ATP8A1: variants seen among roughly 807,000 people sequenced by gnomAD.
ATP8A1 encodes ATPase phospholipid transporting 8A1, also known as phospholipid-transporting ATPase IA.
Under a neutral mutation model 177.7 loss-of-function variants are expected in ATP8A1, and 90 were observed. The ratio of observed to expected loss-of-function variants is 0.51; its 90% CI spans 0.43 to 0.60. The LOEUF is 0.60. Ranked by LOEUF, ATP8A1 falls within the 20% of genes least tolerant of loss-of-function variation. The pLI is 0.00. For missense variants in ATP8A1, 1,072 were observed against 1,392.8 expected, an observed-to-expected ratio of 0.77 and a Z score of 3.67; for synonymous variants, 493 against 485.9, an observed-to-expected ratio of 1.01 and a Z score of -0.19.
At chr4:42,506,686 A>C (rs1724397912) in intron 23 of ATP8A1, among the ~76,000 whole-genome samples, 1 of 148,406 alleles carries the variant, frequency 6.7e-6, no homozygotes, top group African/African-American at 2.4e-5. Flanking sequence ...GAGCTATTAT[A>C]AACTCTTTCC....
chr4:42,444,805 G>A (rs956943557), intron 31 of ATP8A1, among the ~76,000 whole-genome samples, 171 bp from the exon 32 acceptor site: 8 of 152,148 alleles, frequency 5.3e-5, no homozygotes, highest in African/African-American at 1.9e-4. Flanking sequence ...CTGGGCAGCT[G>A]ACGGGACTGT....
intron 20 of ATP8A1, among the ~76,000 whole-genome samples, chr4:42,539,780 T>C (rs772391490): frequency 6.6e-6 from 1 of 152,014 alleles, no homozygotes; most frequent in Non-Finnish European, 1.5e-5. Context: ...TCTCTTGCCA[T>C]ATACAAAGAA....
chr4:42,501,380 G>C (rs940721255), intron 24 of ATP8A1, among the ~76,000 whole-genome samples: 6 of 152,178 alleles, frequency 3.9e-5, no homozygotes, highest in Non-Finnish European at 8.8e-5. Context: ...AGCAGAACTG[G>C]CTCAGAGAAG....
intron 22 of ATP8A1, among the ~76,000 whole-genome samples, chr4:42,518,944 A>G (rs1725838848): frequency 6.6e-6 from 1 of 152,206 alleles, no homozygotes; most frequent in African/African-American, 2.4e-5. Flanking sequence ...TGATTTTAAC[A>G]AAGAATAGAA....
chr4:42,468,598 T>A (rs1428233409), intron 25 of ATP8A1, among the ~76,000 whole-genome samples: 1 of 152,082 alleles, frequency 6.6e-6, no homozygotes, highest in Non-Finnish European at 1.5e-5. Flanking sequence ...CATTGTATGT[T>A]CTTACTCATA....
intron 35 of ATP8A1, among the ~76,000 whole-genome samples, chr4:42,417,637 T>C (rs1713397193): frequency 6.6e-6 from 1 of 152,244 alleles, no homozygotes; most frequent in South Asian, 2.1e-4. Flanking sequence ...GGTTCTGGAA[T>C]GTGTTGGAAC....
At chr4:42,538,155 CAT>C (rs1728029962) in intron 20 of ATP8A1, among the ~76,000 whole-genome samples, 1 of 152,006 alleles carries the variant, frequency 6.6e-6, no homozygotes, top group South Asian at 2.1e-4. Flanking sequence ...CAAACAAAAA[CAT>C]AAAGTGGGGA....
rs1394050010 is a variant in ATP8A1 at position 42,465,065 on chromosome 4, AGAG to A, written c.2333_2335del (p.Pro778del). On this transcript the variant is annotated inframe_deletion, in exon 26 of 37. Transcript: ENST00000381668. ...CATCTCAACAACTTCAGATTTTTGA[AGAG>A]GAGAAACCCTGAAATTGAAACACAT... The A allele has an allele frequency of 6.2e-7, 1 of 1,612,674 alleles. No individual in the cohort carries two copies. Among genetic ancestry groups the A allele is most frequent in the Non-Finnish European group, 8.5e-7 (1 of 1,179,226 alleles).
chr4:42,627,156 G>A (rs752408144), intron 1 of ATP8A1, 47 bp from the exon 2 acceptor site: 4 of 1,414,084 alleles, frequency 2.8e-6, no homozygotes, highest in Non-Finnish European at 4.0e-6. Context: ...TTATTGTCCA[G>A]ACCAAAAACA....
chr4:42,590,347 G>A (rs572620556), intron 7 of ATP8A1, among the ~76,000 whole-genome samples: 3 of 152,212 alleles, frequency 2.0e-5, no homozygotes, highest in African/African-American at 7.2e-5. Context: ...AGTCACAATC[G>A]CTGGAAGGAT....
At chr4:42,618,513 A>G (rs1737135928) in intron 4 of ATP8A1, among the ~76,000 whole-genome samples, 1 of 152,204 alleles carries the variant, frequency 6.6e-6, no homozygotes, top group Admixed American at 6.5e-5. Context: ...TACTTGTCTC[A>G]GACATGGAAA....
chr4:42,482,676 G>A (rs1721810918), intron 25 of ATP8A1, among the ~76,000 whole-genome samples: 1 of 152,150 alleles, frequency 6.6e-6, no homozygotes, highest in Non-Finnish European at 1.5e-5. Context: ...GCCTCATTCT[G>A]CCCTGTATGC....
At chr4:42,551,144 G>A in intron 18 of ATP8A1, 54 bp downstream of exon 18, 1 of 1,401,104 alleles carries the variant, frequency 7.1e-7, no homozygotes, top group South Asian at 1.2e-5. Flanking sequence ...TATCTTTGAA[G>A]CTATGCAAAT....
At chr4:42,541,429 C>A (rs892396666) in intron 20 of ATP8A1, among the ~76,000 whole-genome samples, 1 of 152,108 alleles carries the variant, frequency 6.6e-6, no homozygotes, top group African/African-American at 2.4e-5. Context: ...AATGGGAATG[C>A]AAAATGGCAT....
At chr4:42,543,254 C>A (rs1463588778) in intron 20 of ATP8A1, among the ~76,000 whole-genome samples, 1 of 151,824 alleles carries the variant, frequency 6.6e-6, no homozygotes, top group Non-Finnish European at 1.5e-5. Context: ...TGACTCTATT[C>A]AAAATAGGAA....
At chr4:42,615,373 T>A (rs1736796142) in intron 5 of ATP8A1, among the ~76,000 whole-genome samples, 1 of 152,116 alleles carries the variant, frequency 6.6e-6, no homozygotes, top group Non-Finnish European at 1.5e-5. Context: ...TCAGAGAACT[T>A]CAGAGATGAG....
intron 27 of ATP8A1, among the ~76,000 whole-genome samples, chr4:42,461,775 A>G (rs1304135269): frequency 6.6e-6 from 1 of 152,214 alleles, no homozygotes; most frequent in Non-Finnish European, 1.5e-5. Flanking sequence ...TCATAAAAAG[A>G]CAAGAAAACG....
chr4:42,575,089 C>T (rs776036006), intron 13 of ATP8A1, among the ~76,000 whole-genome samples: 1 of 152,168 alleles, frequency 6.6e-6, no homozygotes, highest in Non-Finnish European at 1.5e-5. Flanking sequence ...CTTCATGCAA[C>T]ATCTGAACTG....
chr4:42,453,959 C>T (rs1485265982), intron 29 of ATP8A1, among the ~76,000 whole-genome samples: 3 of 152,270 alleles, frequency 2.0e-5, no homozygotes, highest in Admixed American at 1.3e-4. Flanking sequence ...TTAATACAAA[C>T]TGGGCATCAC....
Sources: gnomAD v4.1 joint callset for allele counts (sites outside exome capture counted in the v4.1 genomes callset) on GRCh38, gnomAD v4.1.1 for gene constraint, MANE v1.5 for transcripts, NCBI Gene and HGNC (gene_info 2026-07-23, HGNC 2026-07-21) for gene names.